SLCO2B1: variants seen among roughly 807,000 people sequenced by gnomAD.
SLCO2B1 encodes OATP-RP2.
In SLCO2B1, 41 loss-of-function variants were observed where a neutral mutation model predicts 67.3. The ratio of observed to expected loss-of-function variants is 0.61; its 90% CI spans 0.47 to 0.79. The LOEUF is 0.79. Among genes scored for constraint, SLCO2B1 ranks in the 30% least tolerant of loss-of-function variants. The pLI, the probability that SLCO2B1 is intolerant of heterozygous loss-of-function variation, is 0.00. For synonymous variants in SLCO2B1, 379 were observed against 381.4 expected, an observed-to-expected ratio of 0.99 and a Z score of 0.07; for missense variants, 837 against 920.1, an observed-to-expected ratio of 0.91 and a Z score of 1.17.
At position 75,151,386 on chromosome 11, in the gene SLCO2B1, G is replaced by C; in HGVS notation, c.5G>C (p.Gly2Ala). 1.9e-6 allele frequency: 3 copies of C among 1,613,750 alleles called. No homozygotes were observed. In the South Asian group the frequency reaches 3.3e-5, roughly 18 times the overall value. M[G>A]PRIGPAGEVP... ...GCTCACTGCACTCCAGCAGTCATGG[G>C]ACCCAGGATAGGTAAGTCCGAACAA... Residue 2 changes from glycine to alanine, a missense_variant, in exon 1 of 14, where the codon GGA becomes GCA. Transcript: ENST00000289575.
chr11:75,174,431 A>T (rs2140318264), intron 7 of SLCO2B1, among the ~76,000 whole-genome samples: 1 of 152,274 alleles, frequency 6.6e-6, no homozygotes, highest in African/African-American at 2.4e-5. Context: ...GGCCAGGTGG[A>T]AGCCGTGCAT....
intron 3 of SLCO2B1, 127 bp downstream of exon 3, chr11:75,164,227 C>G (rs1214133083): frequency 9.7e-7 from 1 of 1,027,196 alleles, no homozygotes; most frequent in Non-Finnish European, 1.4e-6. Flanking sequence ...CAACCCCTGT[C>G]CCAGCGCCTG....
Position 75,173,079 on chromosome 11 carries a change from C to A in SLCO2B1, c.972+510C>A, listed in dbSNP as rs1465265880. On this transcript the variant is annotated intron_variant, in intron 7 of 13. Transcript: ENST00000289575. ...GAGCCAGTGTTGGAAAGTGACTTAC[C>A]CAAGATCACAAAGCCAGCAAGCAAG... Among the ~76,000 whole-genome samples, 6 of 152,130 alleles carry A rather than the reference C, an allele frequency of 3.9e-5. No individual in the cohort carries two copies. In the East Asian group the frequency reaches 1.2e-3, roughly 29 times the overall value.
chr11:75,162,934 C>A, intron 2 of SLCO2B1, 149 bp downstream of exon 2: 3 of 946,786 alleles, frequency 3.2e-6, no homozygotes, highest in Non-Finnish European at 3.1e-6. Flanking sequence ...GGATGATCTG[C>A]GAAAGCACTC....
In SLCO2B1 at chr11:75,204,418, C is replaced by T. The variant is rs1224150605; in HGVS notation, c.1968C>T (p.Phe656=). ...TCCCCAGGTTCATCGGCCTCCAGTT[C>T]TTCTTCAAAACAGGTTCTGTGATCT... The part of the protein sequence containing the change: ...LLRNRFIGLQ[F]FFKTGSVICF... Residue 656 remains phenylalanine (F), a synonymous_variant, in exon 14 of 14, where the codon TTC becomes TTT. Coordinates refer to ENST00000289575, the MANE Select transcript of SLCO2B1 (RefSeq NM_007256.5). The T allele has an allele frequency of 6.2e-7, 1 of 1,607,122 alleles. No individual in the cohort carries two copies. Among genetic ancestry groups the T allele is most frequent in the African/African-American group, 1.3e-5 (1 of 74,614 alleles).
chr11:75,166,140 T>C (rs1031055836), intron 4 of SLCO2B1, among the ~76,000 whole-genome samples, 191 bp downstream of exon 4: 5 of 151,732 alleles, frequency 3.3e-5, no homozygotes, highest in African/African-American at 7.3e-5. Context: ...ACCTGGGGAG[T>C]GCGGTAGGAA....
At chr11:75,168,617 A>G (rs1490446972) in intron 4 of SLCO2B1, among the ~76,000 whole-genome samples, 1 of 152,172 alleles carries the variant, frequency 6.6e-6, no homozygotes, top group Admixed American at 6.5e-5. Flanking sequence ...GGCCCTCCAC[A>G]ATCCAGCCCC....
chr11:75,202,613 C>T, intron 11 of SLCO2B1: 2 of 437,332 alleles, frequency 4.6e-6, no homozygotes, highest in Non-Finnish European at 8.3e-6. Context: ...TTTGATGGGA[C>T]CAGTGGGTGG....
intron 7 of SLCO2B1, among the ~76,000 whole-genome samples, chr11:75,179,113 C>T (rs1372001969): frequency 2.0e-5 from 3 of 150,674 alleles, no homozygotes; most frequent in Admixed American, 6.6e-5. Context: ...CATTTAAATA[C>T]ATTCTTTTAT....
intron 10 of SLCO2B1, 160 bp from the exon 11 acceptor site, chr11:75,200,064 C>T (rs933800004): frequency 1.5e-6 from 1 of 675,096 alleles, no homozygotes; most frequent in African/African-American, 1.8e-5. Context: ...CTCAAGCCGT[C>T]TTTGCTCAGC....
At chr11:75,197,704 G>A (rs866770091) in intron 10 of SLCO2B1, among the ~76,000 whole-genome samples, 7 of 152,252 alleles carry the variant, frequency 4.6e-5, no homozygotes, top group Middle Eastern at 3.4e-3. Flanking sequence ...GAAGGCTAGC[G>A]AGCATTCAGT....
chr11:75,168,258 G>A (rs1343376878), intron 4 of SLCO2B1, among the ~76,000 whole-genome samples: 3 of 152,152 alleles, frequency 2.0e-5, no homozygotes, highest in Non-Finnish European at 4.4e-5. Context: ...AAGGGCCTCT[G>A]TCAAAGTCAC....
chr11:75,160,269 C>G (rs570960311), intron 1 of SLCO2B1, among the ~76,000 whole-genome samples: 1 of 152,196 alleles, frequency 6.6e-6, no homozygotes, highest in Non-Finnish European at 1.5e-5. Flanking sequence ...GCTTCTTCCC[C>G]CTGTCAAACT....
rs1945063723 is a variant in SLCO2B1, at chr11:75,193,879, AC to A, written c.1433+306del. Among the ~76,000 whole-genome samples the A allele has an allele frequency of 6.6e-6, 1 of 152,170 alleles. No homozygotes were observed. The highest frequency in any genetic ancestry group is 2.4e-5 in the African/African-American group (1 of 41,450). On this transcript the variant is annotated intron_variant, in intron 9 of 13. Coordinates refer to ENST00000289575, the MANE Select transcript of SLCO2B1 (RefSeq NM_007256.5). The surrounding 1 kb of genome is among the most constrained non-coding windows in gnomAD (Gnocchi z 4.2). ...CCCATGGGATGGCATGTCCAGGGTG[AC>A]CAAGCCCTGTGGGCCCAACAGAGAT... is the stretch of plus-strand genomic sequence containing the variant.
intron 8 of SLCO2B1, among the ~76,000 whole-genome samples, 174 bp downstream of exon 8, chr11:75,188,412 C>CT (rs1944969394): frequency 2.0e-5 from 3 of 152,186 alleles, no homozygotes; most frequent in African/African-American, 7.2e-5. Context: ...CCTGGACCAT[C>CT]ATTTTTTATT....
chr11:75,196,896 G>A (rs1437615299), intron 10 of SLCO2B1, among the ~76,000 whole-genome samples: 1 of 152,220 alleles, frequency 6.6e-6, no homozygotes, highest in Non-Finnish European at 1.5e-5. Flanking sequence ...TTGGGAGGCC[G>A]AGGCAGGCAA....
chr11:75,162,303 G>A (rs1031811029), intron 1 of SLCO2B1, among the ~76,000 whole-genome samples: 15 of 152,246 alleles, frequency 9.9e-5, no homozygotes, highest in South Asian at 8.3e-4. Context: ...GAGTCTTCAC[G>A]GCTTACCCTA....
intron 7 of SLCO2B1, among the ~76,000 whole-genome samples, chr11:75,177,748 T>A (rs1485077397): frequency 1.3e-5 from 2 of 152,146 alleles, no homozygotes; most frequent in African/African-American, 4.8e-5. Context: ...CAGATGTTCT[T>A]CATAAATAAG....
chr11:75,160,671 G>T (rs1295439143), intron 1 of SLCO2B1, among the ~76,000 whole-genome samples: 5 of 152,170 alleles, frequency 3.3e-5, no homozygotes, highest in Non-Finnish European at 7.3e-5. Context: ...TGTCAGTTTT[G>T]TTTCAACAGT....
Sources: allele counts gnomAD v4.1 joint callset (sites outside exome capture counted in the v4.1 genomes callset), GRCh38; gene constraint gnomAD v4.1.1; non-coding constraint Gnocchi (gnomAD v3.1); transcripts MANE v1.5; gene names NCBI Gene and HGNC (gene_info 2026-07-23, HGNC 2026-07-21).